Variants in ZNF44 observed in about 807,000 individuals in gnomAD.
The protein encoded by ZNF44 is zinc finger protein 44.
In ZNF44, 9 loss-of-function variants were observed where a neutral mutation model predicts 11.7. The observed-to-expected ratio is 0.77, with a 90% CI of 0.46 to 1.35. The LOEUF (loss-of-function observed/expected upper bound fraction) is 1.35, where lower values mean the gene tolerates loss of function less well. Among genes scored for constraint, ZNF44 ranks in the 40% most tolerant of loss-of-function variants. The probability of loss-of-function intolerance (pLI) is 0.00; values close to 1 mark genes in which losing one functional copy is unlikely to be tolerated. For missense variants in ZNF44, 696 were observed against 743.1 expected, an observed-to-expected ratio of 0.94 and a Z score of 0.74; for synonymous variants, 224 against 242.7, an observed-to-expected ratio of 0.92 and a Z score of 0.72.
chr19:12,231,363 G>A lies in ZNF44; in HGVS notation n.381-848C>T, dbSNP rs574532583. On this transcript the variant is annotated intron_variant and non_coding_transcript_variant, in intron 2 of 3. Transcript: ENST00000597563. ...GGACATCAGGCTGCTGTCCCTCCCC[G>A]CCACTGAACACTCAGTTCCTAAAGA... is the stretch of plus-strand genomic sequence containing the variant. 3.9e-5 allele frequency among the ~76,000 whole-genome samples: 6 copies of A among 152,030 alleles called. No individual in the cohort carries two copies. In the South Asian group the frequency reaches 1.0e-3, roughly 26 times the overall value.
At chr19:12,276,265 G>C (rs1441636390) in intron 1 of ZNF44, 183 bp from the exon 2 acceptor site, 1 of 946,266 alleles carries the variant, frequency 1.1e-6, no homozygotes, top group Non-Finnish European at 1.6e-6. Context: ...TGCTGGAATT[G>C]GGCTTGCTAA....
intron 1 of ZNF44, among the ~76,000 whole-genome samples, chr19:12,280,056 A>G (rs1188737661): frequency 6.6e-6 from 1 of 151,980 alleles, no homozygotes; most frequent in Non-Finnish European, 1.5e-5. Flanking sequence ...TTTATTCAAA[A>G]TAATAATATC....
intron 5 of ZNF44, chr19:12,266,216 C>T (rs1599517878): frequency 1.0e-6 from 1 of 982,312 alleles, no homozygotes; most frequent in East Asian, 1.1e-4. Context: ...GGTCCCGCCA[C>T]AGCCGGTCCC....
chr19:12,260,584 C>G, intron 5 of ZNF44: 1 of 670,668 alleles, frequency 1.5e-6, no homozygotes, highest in Non-Finnish European at 2.6e-6. Context: ...TTTCTCACCA[C>G]CAGCCCCTCA....
intron 5 of ZNF44, among the ~76,000 whole-genome samples, chr19:12,259,652 C>T (rs554703353): frequency 1.3e-5 from 2 of 152,220 alleles, no homozygotes; most frequent in East Asian, 3.9e-4. Flanking sequence ...ACCAGAGAGC[C>T]TGTGTCATCA....
Position 12,227,476 on chromosome 19 carries a change from C to T in ZNF44, n.437-949G>A, listed in dbSNP as rs189927605. ...AATTAGCCAGGTGTGGTGGTGTGCACCTGTATGTAATCCCAGCTACTCTGG... is the reference window on the plus strand; with the variant it reads ...AATTAGCCAGGTGTGGTGGTGTGCATCTGTATGTAATCCCAGCTACTCTGG... On this transcript the variant is annotated intron_variant and non_coding_transcript_variant, in intron 3 of 3. Transcript: ENST00000597563. 1.5e-3 allele frequency among the ~76,000 whole-genome samples: 233 copies of T among 152,250 alleles called. 1 individual carries two copies. In the Middle Eastern group the frequency reaches 0.017, roughly 11 times the overall value.
downstream of ZNF44, among the ~76,000 whole-genome samples, chr19:12,225,892 C>G (rs1006307410): frequency 2.0e-5 from 3 of 152,110 alleles, no homozygotes; most frequent in Non-Finnish European, 4.4e-5. Context: ...GCAGCGCCTG[C>G]TGAAACATCA....
chr19:12,291,653 G>A (rs1175007591), intron 1 of ZNF44, among the ~76,000 whole-genome samples: 7 of 151,796 alleles, frequency 4.6e-5, no homozygotes, highest in Non-Finnish European at 1.0e-4. Flanking sequence ...AGCTGAGATC[G>A]TACCACAGCA....
intron 5 of ZNF44, chr19:12,260,054 A>T: frequency 2.0e-6 from 1 of 512,590 alleles, no homozygotes; most frequent in East Asian, 4.7e-5. Flanking sequence ...ATTTGGGGCA[A>T]CCCAGGCATC....
chr19:12,255,821 C>T (rs935499000), intron 5 of ZNF44, among the ~76,000 whole-genome samples: 1 of 152,030 alleles, frequency 6.6e-6, no homozygotes, highest in African/African-American at 2.4e-5. Flanking sequence ...GGGCGGATCA[C>T]CTGAGGTCAG....
chr19:12,294,545 C>A, intron 1 of ZNF44, 147 bp downstream of exon 1: 2 of 1,154,718 alleles, frequency 1.7e-6, no homozygotes, highest in South Asian at 1.6e-5. Context: ...TGCGGCCAAA[C>A]GGACCGAGGA....
intron 1 of ZNF44, chr19:12,284,320 C>A (rs971596690): frequency 3.2e-5 from 16 of 497,170 alleles, no homozygotes; most frequent in Non-Finnish European, 5.9e-5. Flanking sequence ...ATAGCTTCTT[C>A]TCCAAGAAAA....
intron 1 of ZNF44, among the ~76,000 whole-genome samples, chr19:12,279,944 T>TGC (rs1967399478): frequency 6.6e-6 from 1 of 151,414 alleles, no homozygotes; most frequent in African/African-American, 2.4e-5. Flanking sequence ...TGTGTGTGTG[T>TGC]GTATACACAC....
At chr19:12,290,074 T>G (rs991733282) in intron 1 of ZNF44, among the ~76,000 whole-genome samples, 6 of 152,194 alleles carry the variant, frequency 3.9e-5, no homozygotes, top group Non-Finnish European at 7.3e-5. Context: ...TCCAGTGCTC[T>G]GTAGCTTCTC....
chr19:12,271,122 C>T (rs1013535466), downstream of ZNF44, among the ~76,000 whole-genome samples: 5 of 152,146 alleles, frequency 3.3e-5, no homozygotes, highest in East Asian at 3.9e-4. Flanking sequence ...GATTTGGACA[C>T]GCGAAAAATT....
At chr19:12,289,451 G>A (rs776640028) in intron 1 of ZNF44, among the ~76,000 whole-genome samples, 10 of 152,040 alleles carry the variant, frequency 6.6e-5, no homozygotes, top group Non-Finnish European at 1.5e-4. Context: ...ACAGGCTTGA[G>A]TCAGGGTAAA....
chr19:12,239,568 ATTTTTT>A (rs1158604076), upstream of ZNF44, among the ~76,000 whole-genome samples: 16 of 76,052 alleles, frequency 2.1e-4, no homozygotes, highest in African/African-American at 6.8e-4. Context: ...CCCAAGTTGC[ATTTTTT>A]TTTTTTTTTT....
chr19:12,230,601 G>A (rs1231139282), intron 2 of ZNF44: 3 of 152,262 alleles, frequency 2.0e-5, no homozygotes, highest in Non-Finnish European at 4.4e-5. Context: ...AGACCTCCAG[G>A]ATCCAGGAAT....
chr19:12,294,370 G>A (rs1180470088), intron 1 of ZNF44, among the ~76,000 whole-genome samples: 1 of 152,264 alleles, frequency 6.6e-6, no homozygotes, highest in Admixed American at 6.5e-5. Flanking sequence ...TCCGGGTGCA[G>A]TGACTTGGGC....
Sources: allele counts gnomAD v4.1 joint callset (sites outside exome capture counted in the v4.1 genomes callset), GRCh38; gene constraint gnomAD v4.1.1; transcripts MANE v1.5; gene names NCBI Gene and HGNC (gene_info 2026-07-23, HGNC 2026-07-21).